Variants in PCSK2 observed in about 807,000 individuals in gnomAD.
The protein encoded by PCSK2 is neuroendocrine convertase 2.
Under a neutral mutation model 69.7 loss-of-function variants are expected in PCSK2, and 14 were observed. The ratio of observed to expected loss-of-function variants is 0.20; its 90% CI spans 0.13 to 0.31. The LOEUF (loss-of-function observed/expected upper bound fraction) is 0.31, where lower values mean the gene tolerates loss of function less well. PCSK2 is among the 10% of genes least tolerant of loss of function. The pLI is 1.00. For missense variants in PCSK2, 544 were observed against 842.5 expected (o/e 0.65, Z 4.39); for synonymous variants, 307 against 320.7 (o/e 0.96, Z 0.46).
At position 17,452,363 on chromosome 20, in the gene PCSK2, G is replaced by A. The variant is rs902028963; in HGVS notation, c.886-1379G>A. ...TGCTGAGAATAGTTCCCAGCTAGTGGTTGAATAAATATTTGTTCACTTGTC... is the reference window on the plus strand; with the variant it reads ...TGCTGAGAATAGTTCCCAGCTAGTGATTGAATAAATATTTGTTCACTTGTC... On this transcript the variant is annotated intron_variant, in intron 8 of 11. Coordinates refer to ENST00000262545, the MANE Select transcript of PCSK2 (RefSeq NM_002594.5). Among the ~76,000 whole-genome samples the A allele has an allele frequency of 2.6e-5, 4 of 152,278 alleles. No individual in the cohort carries two copies. In the South Asian group the frequency reaches 8.3e-4, roughly 32 times the overall value.
intron 2 of PCSK2, among the ~76,000 whole-genome samples, chr20:17,268,589 C>T (rs549963420): frequency 2.0e-5 from 3 of 151,998 alleles, no homozygotes; most frequent in African/African-American, 4.8e-5. Context: ...AGCAAGAATG[C>T]GAGTAAAGCT....
chr20:17,466,472 G>A (rs2033103724), intron 11 of PCSK2, among the ~76,000 whole-genome samples: 1 of 152,134 alleles, frequency 6.6e-6, no homozygotes, highest in South Asian at 2.1e-4. Flanking sequence ...GCTGAGTGAG[G>A]TGGATTTTGC....
intron 2 of PCSK2, among the ~76,000 whole-genome samples, chr20:17,299,603 A>C (rs1412325359): frequency 6.6e-6 from 1 of 151,988 alleles, no homozygotes; most frequent in Non-Finnish European, 1.5e-5. Context: ...GAATTATTGC[A>C]ATACTAGATA....
chr20:17,465,615 C>A, intron 11 of PCSK2, 62 bp downstream of exon 11: 2 of 990,742 alleles, frequency 2.0e-6, no homozygotes, highest in Non-Finnish European at 3.0e-6. Context: ...GGCTCCATGG[C>A]ATTGGCATAA....
chr20:17,251,793 G>T (rs1431980401), intron 1 of PCSK2, among the ~76,000 whole-genome samples: 1 of 152,194 alleles, frequency 6.6e-6, no homozygotes. Context: ...GAAATGGCTT[G>T]TCTGTGGTCC....
intron 8 of PCSK2, among the ~76,000 whole-genome samples, chr20:17,450,263 C>T (rs1466974886): frequency 2.0e-5 from 3 of 151,286 alleles, no homozygotes; most frequent in Non-Finnish European, 4.4e-5. Flanking sequence ...CTCCTGACCT[C>T]GTGATCCGCC....
At chr20:17,401,894 G>A (rs1255145728) in intron 5 of PCSK2, among the ~76,000 whole-genome samples, 2 of 152,318 alleles carry the variant, frequency 1.3e-5, no homozygotes, top group East Asian at 3.9e-4. Context: ...CTTGGAGCCA[G>A]CTCTTAGAGC....
chr20:17,397,974 T>A (rs752945249), intron 5 of PCSK2, among the ~76,000 whole-genome samples: 2 of 152,214 alleles, frequency 1.3e-5, no homozygotes, highest in Non-Finnish European at 2.9e-5. Context: ...TTAACACCTT[T>A]CAATCTTTAC....
intron 2 of PCSK2, among the ~76,000 whole-genome samples, chr20:17,354,907 A>C (rs957607288): frequency 3.3e-5 from 5 of 152,174 alleles, no homozygotes; most frequent in African/African-American, 1.2e-4. Context: ...GGGGAAAAAA[A>C]AAAGTTTTCC....
At chr20:17,378,745 T>C (rs1485757586) in intron 5 of PCSK2, among the ~76,000 whole-genome samples, 1 of 152,048 alleles carries the variant, frequency 6.6e-6, no homozygotes, top group East Asian at 1.9e-4. Flanking sequence ...AGGATGCTAA[T>C]GAGACTATTG....
intron 2 of PCSK2, among the ~76,000 whole-genome samples, chr20:17,357,381 TTGTC>T (rs1327056677): frequency 2.6e-5 from 4 of 152,238 alleles, no homozygotes; most frequent in African/African-American, 9.6e-5. Context: ...GCCTCATTGT[TTGTC>T]TGTTTGTTCT....
upstream of PCSK2, among the ~76,000 whole-genome samples, chr20:17,226,632 G>C (rs1389472290): frequency 1.3e-5 from 2 of 151,858 alleles, no homozygotes; most frequent in Non-Finnish European, 2.9e-5. Flanking sequence ...CTCTGAGAGC[G>C]GCACACACCG....
chr20:17,320,149 C>A (rs1314602494), intron 2 of PCSK2, among the ~76,000 whole-genome samples: 1 of 152,144 alleles, frequency 6.6e-6, no homozygotes, highest in Non-Finnish European at 1.5e-5. Context: ...TAAGGCAGTA[C>A]TTCTCAAACT....
At chr20:17,328,548 G>A (rs1990126945) in intron 2 of PCSK2, among the ~76,000 whole-genome samples, 1 of 151,920 alleles carries the variant, frequency 6.6e-6, no homozygotes, top group South Asian at 2.1e-4. Flanking sequence ...TATTTGTAAT[G>A]CAGATAATTA....
intron 5 of PCSK2, among the ~76,000 whole-genome samples, chr20:17,408,303 G>C (rs1429855173): frequency 6.6e-6 from 1 of 151,994 alleles, no homozygotes; most frequent in African/African-American, 2.4e-5. Context: ...GAAGGGAATG[G>C]GGAAGGAATG....
At chr20:17,277,525 C>T (rs1018648426) in intron 2 of PCSK2, among the ~76,000 whole-genome samples, 1 of 152,010 alleles carries the variant, frequency 6.6e-6, no homozygotes, top group Non-Finnish European at 1.5e-5. Context: ...TATGTAGAAA[C>T]CTGAAACTGG....
At chr20:17,393,561 A>T (rs1366462362) in intron 5 of PCSK2, among the ~76,000 whole-genome samples, 2 of 152,180 alleles carry the variant, frequency 1.3e-5, no homozygotes, top group South Asian at 4.1e-4. Flanking sequence ...GAATATTTTT[A>T]AATTTTTTTT....
chr20:17,311,743 C>A (rs925138574), intron 2 of PCSK2, among the ~76,000 whole-genome samples: 1 of 152,128 alleles, frequency 6.6e-6, no homozygotes, highest in East Asian at 1.9e-4. Flanking sequence ...TACAAGGAGC[C>A]TATACTGGAG....
At chr20:17,292,318 C>A in intron 2 of PCSK2, among the ~76,000 whole-genome samples, 1 of 146,688 alleles carries the variant, frequency 6.8e-6, no homozygotes, top group Non-Finnish European at 1.5e-5. Context: ...AAAGAAAGGC[C>A]TTAAAGATCT....
Sources: gnomAD v4.1 joint callset for allele counts (sites outside exome capture counted in the v4.1 genomes callset) on GRCh38, gnomAD v4.1.1 for gene constraint, MANE v1.5 for transcripts, NCBI Gene and HGNC (gene_info 2026-07-23, HGNC 2026-07-21) for gene names.